TMEM132B: variants seen among roughly 807,000 people sequenced by gnomAD.
TMEM132B encodes the protein transmembrane protein 132B.
TMEM132B carries 18 observed loss-of-function variants against 90.8 expected under a neutral mutation model. The observed-to-expected ratio is 0.20, with a 90% CI of 0.14 to 0.29. The LOEUF is 0.29. Ranked by LOEUF, TMEM132B falls within the 10% of genes least tolerant of loss-of-function variation. The pLI is 1.00. For synonymous variants in TMEM132B, 504 were observed against 523.3 expected (o/e 0.96, Z 0.50); for missense variants, 1,096 against 1,326.8 (o/e 0.83, Z 2.70).
intron 4 of TMEM132B, among the ~76,000 whole-genome samples, chr12:125,583,356 G>T (rs2136868078): frequency 6.6e-6 from 1 of 152,226 alleles, no homozygotes; most frequent in South Asian, 2.1e-4. Flanking sequence ...GTCAGCTTGG[G>T]TGTGTAGAGG....
chr12:125,375,807 A>G (rs796918327), intron 2 of TMEM132B, among the ~76,000 whole-genome samples: 15 of 152,294 alleles, frequency 9.8e-5, no homozygotes, highest in African/African-American at 3.6e-4. Flanking sequence ...TGAATTCTTC[A>G]TTTTGTTACT....
intron 3 of TMEM132B, among the ~76,000 whole-genome samples, chr12:125,479,916 C>G (rs1881993381): frequency 6.6e-6 from 1 of 152,190 alleles, no homozygotes; most frequent in Non-Finnish European, 1.5e-5. Flanking sequence ...GTCTCTCAGA[C>G]CACAGTGCAA....
Position 125,266,423 on chromosome 12 carries a change from C to A in TMEM132B, c.67+79557C>A, listed in dbSNP as rs4765032. 1.6e-3 allele frequency among the ~76,000 whole-genome samples: 240 copies of A among 152,188 alleles called. 1 individual carries two copies. Among genetic ancestry groups the A allele is most frequent in the African/African-American group, 5.3e-3 (218 of 41,496 alleles). Reference sequence around the variant, plus strand: ...TATCGCCAGTGGGCACTGGGTATTACCTTCCCTTTAAAATCAATTTATTAT... The same window carrying A: ...TATCGCCAGTGGGCACTGGGTATTAACTTCCCTTTAAAATCAATTTATTAT... On this transcript the variant is annotated intron_variant, in intron 1 of 8. Coordinates refer to ENST00000682704, the MANE Select transcript of TMEM132B (RefSeq NM_001366854.1).
intron 3 of TMEM132B, among the ~76,000 whole-genome samples, chr12:125,509,048 T>G (rs907694828): frequency 6.6e-6 from 1 of 152,118 alleles, no homozygotes; most frequent in Non-Finnish European, 1.5e-5. Flanking sequence ...CCTCTCAACA[T>G]GCTGGGATTA....
chr12:125,305,424 T>C (rs957988330), intron 1 of TMEM132B, among the ~76,000 whole-genome samples: 1 of 151,856 alleles, frequency 6.6e-6, no homozygotes, highest in Non-Finnish European at 1.5e-5. Context: ...GGCAGCCACA[T>C]GTCCAAAGCC....
chr12:125,597,454 C>G (rs776530204), intron 5 of TMEM132B, among the ~76,000 whole-genome samples: 5 of 152,174 alleles, frequency 3.3e-5, no homozygotes, highest in Non-Finnish European at 5.9e-5. Context: ...ATTTCTAACT[C>G]TCTTAGAACT....
At chr12:125,563,604 A>AC (rs777557007) in intron 4 of TMEM132B, among the ~76,000 whole-genome samples, 55 of 152,170 alleles carry the variant, frequency 3.6e-4, no homozygotes, top group Non-Finnish European at 6.3e-4. Context: ...CAAACAAAAA[A>AC]AAACCCCACA....
chr12:125,581,178 T>C (rs1885045519), intron 4 of TMEM132B, among the ~76,000 whole-genome samples: 1 of 152,184 alleles, frequency 6.6e-6, no homozygotes, highest in South Asian at 2.1e-4. Flanking sequence ...GTTTGGGAAA[T>C]ATATTGTAAT....
intron 5 of TMEM132B, among the ~76,000 whole-genome samples, chr12:125,614,856 A>T (rs897880624): frequency 6.6e-6 from 1 of 152,180 alleles, no homozygotes; most frequent in Non-Finnish European, 1.5e-5. Context: ...ATTTCTTGTA[A>T]GGTGGGGCTG....
intron 4 of TMEM132B, among the ~76,000 whole-genome samples, chr12:125,570,732 C>T (rs1345156934): frequency 2.0e-5 from 3 of 152,110 alleles, no homozygotes; most frequent in African/African-American, 7.2e-5. Flanking sequence ...TAAATTGGAG[C>T]CAACATCCTT....
At chr12:125,265,091 G>C (rs1171736310) in intron 1 of TMEM132B, among the ~76,000 whole-genome samples, 1 of 152,156 alleles carries the variant, frequency 6.6e-6, no homozygotes, top group Non-Finnish European at 1.5e-5. Flanking sequence ...TTGCAGCCCA[G>C]GGATAAGCAT....
At chr12:125,471,382 T>A (rs1881715706) in intron 3 of TMEM132B, among the ~76,000 whole-genome samples, 1 of 152,206 alleles carries the variant, frequency 6.6e-6, no homozygotes, top group Non-Finnish European at 1.5e-5. Flanking sequence ...GAGTTGTCAT[T>A]AAATCTTCCA....
chr12:125,215,703 A>G (rs116528415), intron 1 of TMEM132B, among the ~76,000 whole-genome samples: 4,485 of 152,136 alleles, frequency 0.029, 226 homozygotes, highest in African/African-American at 0.1. Flanking sequence ...CACCACGCCT[A>G]GAGGATTTTT....
intron 5 of TMEM132B, among the ~76,000 whole-genome samples, chr12:125,593,075 T>G (rs1333128313): frequency 6.6e-6 from 1 of 152,238 alleles, no homozygotes; most frequent in African/African-American, 2.4e-5. Context: ...CATTATTCTA[T>G]TTCTGGGCAT....
intron 3 of TMEM132B, among the ~76,000 whole-genome samples, chr12:125,516,314 C>G (rs1566060405): frequency 2.0e-5 from 3 of 152,210 alleles, no homozygotes; most frequent in African/African-American, 7.2e-5. Flanking sequence ...TGAAACACTT[C>G]TTGATATTTG....
intron 1 of TMEM132B, among the ~76,000 whole-genome samples, chr12:125,272,961 T>C (rs375523843): frequency 1.2e-4 from 19 of 152,232 alleles, no homozygotes; most frequent in Admixed American, 1.1e-3. Flanking sequence ...GGAGATGTTC[T>C]CCACTCATGG....
At chr12:125,234,354 C>T (rs1873885699) in intron 1 of TMEM132B, among the ~76,000 whole-genome samples, 1 of 152,196 alleles carries the variant, frequency 6.6e-6, no homozygotes, top group Non-Finnish European at 1.5e-5. Flanking sequence ...GGCGCTTCCT[C>T]CCAACCTAAT....
intron 3 of TMEM132B, among the ~76,000 whole-genome samples, chr12:125,470,126 G>A (rs554948528): frequency 1.3e-5 from 2 of 152,240 alleles, no homozygotes; most frequent in African/African-American, 4.8e-5. Flanking sequence ...ATAATTCTGA[G>A]CCAGCCATGA....
chr12:125,381,121 C>T (rs1223280827), intron 2 of TMEM132B, among the ~76,000 whole-genome samples: 2 of 152,224 alleles, frequency 1.3e-5, no homozygotes, highest in Non-Finnish European at 2.9e-5. Context: ...CATTCCAGCT[C>T]TGTGGAGTTA....
Sources: allele counts gnomAD v4.1 joint callset (sites outside exome capture counted in the v4.1 genomes callset), GRCh38; gene constraint gnomAD v4.1.1; transcripts MANE v1.5; gene names NCBI Gene and HGNC (gene_info 2026-07-23, HGNC 2026-07-21).